ESYT1: variants seen among roughly 807,000 people sequenced by gnomAD.
ESYT1 encodes the protein extended synaptotagmin-1.
ESYT1 carries 116 observed loss-of-function variants against 154.2 expected under a neutral mutation model. That is an observed-to-expected ratio of 0.75 (90% CI 0.65 to 0.88). ESYT1 has a LOEUF of 0.88. Among genes scored for constraint, ESYT1 ranks in the 40% least tolerant of loss-of-function variants. The pLI, the probability that ESYT1 is intolerant of heterozygous loss-of-function variation, is 0.00. For synonymous variants in ESYT1, 500 were observed against 539.9 expected (o/e 0.93, Z 1.02); for missense variants, 1,264 against 1,379.3 (o/e 0.92, Z 1.32).
Position 56,132,701 on chromosome 12 carries a change from G to C in ESYT1, c.1162-18G>C. The C allele has an allele frequency of 4.3e-6, 7 of 1,614,138 alleles. No homozygotes were observed. The highest frequency in any genetic ancestry group is 5.1e-6 in the Non-Finnish European group (6 of 1,179,976). On this transcript the variant is annotated intron_variant, in intron 9 of 30. Coordinates refer to ENST00000394048, the MANE Select transcript of ESYT1 (RefSeq NM_015292.3). ...CAGCTGCAGCCCCATGAGACACTCA[G>C]CCTTCTGTGTTCCCCAGGTGATGGT...
At chr12:56,140,114 C>T (rs562376220) in intron 24 of ESYT1, among the ~76,000 whole-genome samples, 84 of 152,070 alleles carry the variant, frequency 5.5e-4, no homozygotes, top group Admixed American at 1.4e-3. Flanking sequence ...GCATTCTGCC[C>T]GCCTCGGCAT....
Position 56,137,378 on chromosome 12 carries a change from G to T in ESYT1, c.1938+5G>T. Reference sequence around the variant, plus strand: ...GATAGCCAGTTTGGGACTGAGGTGAGTCTATATCTGGAAAGGACTAGGGTC... The same window carrying T: ...GATAGCCAGTTTGGGACTGAGGTGATTCTATATCTGGAAAGGACTAGGGTC... On this transcript the variant is annotated splice_donor_5th_base_variant and intron_variant, in intron 17 of 30. Coordinates refer to ENST00000394048, the MANE Select transcript of ESYT1 (RefSeq NM_015292.3). 7 of 1,614,186 alleles carry T rather than the reference G, an allele frequency of 4.3e-6. No individual in the cohort carries two copies. The highest frequency in any genetic ancestry group is 5.9e-6 in the Non-Finnish European group (7 of 1,180,040).
rs372138826 is a variant in ESYT1 at position 56,131,287 on chromosome 12, T to A, written c.685T>A (p.Phe229Ile). The A allele has an allele frequency of 6.2e-7, 1 of 1,614,018 alleles. No homozygotes were observed. Among genetic ancestry groups the A allele is most frequent in the Non-Finnish European group, 8.5e-7 (1 of 1,180,034 alleles). Residue 229 changes from phenylalanine (F) to isoleucine (I), a missense_variant, in exon 5 of 31, where the codon TTT becomes ATT. Transcript: ENST00000394048. The part of the protein sequence containing the change: ...VQIDVEVKKY[F>I]CKAGVKGMQL... ...GATTGATGTGGAAGTGAAGAAATAT[T>A]TTTGCAAAGCAGGAGTCAAGGGCAT...
intron 15 of ESYT1, among the ~76,000 whole-genome samples, chr12:56,134,944 C>G (rs1468190233): frequency 1.3e-5 from 2 of 152,030 alleles, no homozygotes; most frequent in African/African-American, 4.8e-5. Context: ...ATATGTGTGT[C>G]TTGTCTATGA....
At position 56,128,477 on chromosome 12, in the gene ESYT1, C is replaced by T. The variant is rs964885913; in HGVS notation, c.158C>T (p.Ala53Val). The change falls in exon 1 of 31, where the codon GCG becomes GTG. Residue 53 changes from alanine (A) to valine (V), a missense_variant. Ala to Val is a moderately conservative substitution (Grantham distance 64, BLOSUM62 0). Transcript: ENST00000394048. ...CCTGGCGCGGCGGGTGAGGCCCTGG[C>T]GGTGCTGACTTCATTCGGGAGGCGG... ...AGPGAAGEAL[A>V]VLTSFGRRLL... is the part of the protein sequence containing the mutation. 1.9e-6 allele frequency: 3 copies of T among 1,610,656 alleles called. No individual in the cohort carries two copies. Among genetic ancestry groups the T allele is most frequent in the Middle Eastern group, 1.7e-4 (1 of 6,034 alleles).
chr12:56,131,731 C>T lies in ESYT1; in HGVS notation c.805-18C>T, dbSNP rs1390126209. On this transcript the variant is annotated intron_variant, in intron 6 of 30. Coordinates refer to ENST00000394048, the MANE Select transcript of ESYT1 (RefSeq NM_015292.3). ...ACACCCCATAGGATCTGTCCTGACC[C>T]CTGCTCTTTCCCTCCAGACCCTAGA... 6.2e-7 allele frequency: 1 copy of T among 1,613,782 alleles called. No homozygotes were observed. The highest frequency in any genetic ancestry group is 8.5e-7 in the Non-Finnish European group (1 of 1,179,886).
chr12:56,130,877 C>T lies in ESYT1; in HGVS notation c.519C>T (p.Asn173=). The change falls in exon 3 of 31, where the codon AAC becomes AAT. Residue 173 remains asparagine (N), a synonymous_variant. Transcript: ENST00000394048. ...TGGCTCCGGCTGTTAGGGGATCTAA[C>T]CCCCATCTGCAAACATTTACATTTA... The part of the protein sequence containing the change: ...ETVAPAVRGS[N]PHLQTFTFTR... 6.2e-7 allele frequency: 1 copy of T among 1,614,148 alleles called. No individual in the cohort carries two copies. Among genetic ancestry groups the T allele is most frequent in the South Asian group, 1.1e-5 (1 of 91,080 alleles).
chr12:56,130,560 T>A, intron 1 of ESYT1, 22 bp from the exon 2 acceptor site: 1 of 1,612,732 alleles, frequency 6.2e-7, no homozygotes, highest in Non-Finnish European at 8.5e-7. Flanking sequence ...CACGTCACTG[T>A]CTCTGCCTTC....
chr12:56,134,498 C>G (rs1051483406), intron 15 of ESYT1, 70 bp downstream of exon 15: 1 of 1,308,410 alleles, frequency 7.6e-7, no homozygotes, highest in Non-Finnish European at 1.1e-6. Flanking sequence ...ACCATTTCTC[C>G]TCTCCTTCTT....
At chr12:56,130,652 A>C (rs373600988) in intron 2 of ESYT1, 29 bp downstream of exon 2, 2 of 1,613,988 alleles carry the variant, frequency 1.2e-6, no homozygotes, top group African/African-American at 2.7e-5. Flanking sequence ...TTTAGTCTTC[A>C]TGAGGGGAGA....
intron 15 of ESYT1, 73 bp from the exon 16 acceptor site, chr12:56,136,671 A>G: frequency 1.4e-6 from 2 of 1,384,772 alleles, no homozygotes; most frequent in Non-Finnish European, 1.9e-6. Flanking sequence ...AGTTGGAGCC[A>G]TGTTATCATT....
rs753950334 is a variant in ESYT1 at position 56,142,412 on chromosome 12, G to A, written c.2720G>A (p.Arg907Lys). The A allele has an allele frequency of 8.1e-6, 13 of 1,613,342 alleles. No individual in the cohort carries two copies. Among genetic ancestry groups the A allele is most frequent in the Non-Finnish European group, 1.1e-5 (13 of 1,179,606 alleles). ...AGTGGTCAGGGGCAGGTGCTACTGA[G>A]AGCACAGCTAGGGGTGAGTGACAGG... ...LSSGQGQVLL[R>K]AQLGILVSQH... The change falls in exon 25 of 31, where the codon AGA (arginine) becomes AAA (lysine). Residue 907 changes from arginine (R) to lysine (K), a missense_variant. Coordinates refer to ENST00000394048, the MANE Select transcript of ESYT1 (RefSeq NM_015292.3). The surrounding 1 kb of genome is among the most constrained non-coding windows in gnomAD (Gnocchi z 4.1).
chr12:56,133,596 T>A lies in ESYT1; in HGVS notation c.1302T>A (p.Pro434=), dbSNP rs1435603730. 3 of 1,614,094 alleles carry A rather than the reference T, an allele frequency of 1.9e-6. No homozygotes were observed. The African/African-American group carries it at 4.0e-5, about 22-fold the overall frequency. Residue 434 remains proline (P), a synonymous_variant, in exon 12 of 31, where the codon CCT becomes CCA. Transcript: ENST00000394048. The part of the protein sequence containing the change: ...LQASVLDDWF[P]LQGGQGQVHL... ...ATCTCAATTTCTTCTAGTGGTTCCC[T>A]CTACAAGGTGGGCAAGGCCAAGTTC...
chr12:56,144,489 T>C lies in ESYT1; in HGVS notation c.*627T>C. 3.0e-6 allele frequency: 3 copies of C among 986,298 alleles called. No homozygotes were observed. The South Asian group carries it at 1.4e-4, about 46-fold the overall frequency. The allele number at this position is 986,298 out of a possible 1,614,324, so 61.1% of individuals were successfully genotyped here. A position where few individuals can be genotyped will look rare whatever the true frequency, so the allele number is the denominator to read the frequency against. On this transcript the variant is annotated 3_prime_UTR_variant, in exon 31 of 31. Transcript: ENST00000394048. ...ACTCAAGCCTCCAAGTAGTGGCATA[T>C]CAGTCTTGGAGCTCCTAGCTGGTGA...
rs1042202428 is a variant in ESYT1, at chr12:56,134,103, A to C, written c.1474-7A>C. The C allele has an allele frequency of 1.2e-6, 2 of 1,613,974 alleles. No individual in the cohort carries two copies. The highest frequency in any genetic ancestry group is 1.7e-6 in the Non-Finnish European group (2 of 1,179,954). ...AGATGGTGACCTCTGAATTGTACCCACCACAGCTGAAGAAGGGGAACAAGG... is the reference window on the plus strand; with the variant it reads ...AGATGGTGACCTCTGAATTGTACCCCCCACAGCTGAAGAAGGGGAACAAGG... On this transcript the variant is annotated splice_polypyrimidine_tract_variant and splice_region_variant and intron_variant, in intron 13 of 30. Transcript: ENST00000394048.
In ESYT1 at chr12:56,138,197, G is replaced by A. The variant is rs377167954; in HGVS notation, c.2262G>A (p.Glu754=). Residue 754 remains glutamate (E), a synonymous_variant, in exon 21 of 31, where the codon GAG becomes GAA. Transcript: ENST00000394048. The part of the protein sequence containing the change: ...SGFLDEWLTL[E]DVPSGRLHLR... ...TACTTCCACAGTGGCTGACCCTGGAGGATGTCCCATCTGGCCGCCTGCACT... is the reference window on the plus strand; with the variant it reads ...TACTTCCACAGTGGCTGACCCTGGAAGATGTCCCATCTGGCCGCCTGCACT... 1 of 1,614,214 alleles carries A rather than the reference G, an allele frequency of 6.2e-7. No individual in the cohort carries two copies. The highest frequency in any genetic ancestry group is 8.5e-7 in the Non-Finnish European group (1 of 1,180,032).
chr12:56,128,370 C>T lies in ESYT1; in HGVS notation c.51C>T (p.Pro17=). Residue 17 remains proline (P), a synonymous_variant, in exon 1 of 31, where the codon CCC becomes CCT. Transcript: ENST00000394048. ...EGPSPSPMDQ[P]SAPSDPTDQP... ...CCAGCCCCAGCCCCATGGACCAGCC[C>T]TCTGCTCCCTCCGACCCCACTGACC... The T allele has an allele frequency of 6.2e-7, 1 of 1,612,506 alleles. No homozygotes were observed. Among genetic ancestry groups the T allele is most frequent in the Non-Finnish European group, 8.5e-7 (1 of 1,179,404 alleles).
In ESYT1 at chr12:56,133,603, G is replaced by A. The variant is rs543854365; in HGVS notation, c.1309G>A (p.Gly437Ser). Residue 437 changes from glycine to serine, a missense_variant, in exon 12 of 31, where the codon GGT (glycine) becomes AGT (serine). Physicochemically the swap from Gly to Ser is moderately conservative, Grantham distance 56. Coordinates refer to ENST00000394048, the MANE Select transcript of ESYT1 (RefSeq NM_015292.3). ...TTTCTTCTAGTGGTTCCCTCTACAA[G>A]GTGGGCAAGGCCAAGTTCACTTGAG... ...SVLDDWFPLQ[G>S]GQGQVHLRLE... 46 of 1,614,198 alleles carry A rather than the reference G, an allele frequency of 2.8e-5. 1 individual carries two copies. The South Asian group carries it at 4.9e-4, about 17-fold the overall frequency.
At chr12:56,143,203 C>G (rs745682583) in intron 28 of ESYT1, 25 bp from the exon 29 acceptor site, 6 of 1,613,984 alleles carry the variant, frequency 3.7e-6, no homozygotes, top group Admixed American at 1.7e-5. Context: ...GGACTCCTGG[C>G]CCCTAACATC....
Sources: allele counts gnomAD v4.1 joint callset (sites outside exome capture counted in the v4.1 genomes callset), GRCh38; gene constraint gnomAD v4.1.1; non-coding constraint Gnocchi (gnomAD v3.1); transcripts MANE v1.5; gene names NCBI Gene and HGNC (gene_info 2026-07-23, HGNC 2026-07-21).